The following GRAMD4 variants were observed in gnomAD, a reference collection of about 807,000 sequenced individuals.
GRAMD4 encodes GRAM domain containing 4.
GRAMD4 carries 25 observed loss-of-function variants against 83.9 expected under a neutral mutation model. The observed-to-expected ratio is 0.30, with a 90% confidence interval of 0.22 to 0.42. GRAMD4 has a LOEUF of 0.42. Ranked by LOEUF, GRAMD4 falls within the 10% of genes least tolerant of loss-of-function variation. GRAMD4 has a pLI of 1.00. For synonymous variants in GRAMD4, 336 were observed against 320.9 expected (o/e 1.05, Z -0.50); for missense variants, 593 against 788.7 (o/e 0.75, Z 2.97).
chr22:46,602,762 C>CTTTTTTTTTTTTTT lies in GRAMD4; in HGVS notation c.-49-23986_-49-23973dup, dbSNP rs534249203. 8.2e-5 allele frequency among the ~76,000 whole-genome samples: 10 copies of CTTTTTTTTTTTTTT among 121,436 alleles called. 1 individual carries two copies. The highest frequency in any genetic ancestry group is 9.4e-5 in the Admixed American group (1 of 10,642). 79.7% of individuals were successfully genotyped at this position (121,436 alleles called of 152,430 possible). A position where few individuals can be genotyped will look rare whatever the true frequency, so the allele number is the denominator to read the frequency against. ...TCCTTTATCTTTTGTCCATTTTTCT[C>CTTTTTTTTTTTTTT]TTTTTTTTTTTTTTTTGAGGCAGAG... On this transcript the variant is annotated intron_variant, in intron 1 of 1. Transcript: ENST00000431155.
chr22:46,603,513 CTCTTTTTT>C (rs2081334608), intron 1 of GRAMD4, among the ~76,000 whole-genome samples: 7 of 106,012 alleles, frequency 6.6e-5, no homozygotes, highest in South Asian at 3.1e-4. Context: ...CCGGCCTCTT[CTCTTTTTT>C]TTTTTTTTTT....
chr22:46,640,835 C>T (rs1260524949), intron 3 of GRAMD4, among the ~76,000 whole-genome samples: 5 of 151,508 alleles, frequency 3.3e-5, no homozygotes, highest in African/African-American at 4.9e-5. Context: ...CCCCGCCCCC[C>T]GCCGAGGTTT....
At chr22:46,648,847 C>CATGGATGGATGG (rs2082118901) in intron 3 of GRAMD4, among the ~76,000 whole-genome samples, 1 of 17,060 alleles carries the variant, frequency 5.9e-5, no homozygotes, top group African/African-American at 2.0e-4. Context: ...TGGATGGATG[C>CATGGATGGATGG]ATGGATGGAT....
At chr22:46,587,851 G>A (rs80109778) in intron 1 of GRAMD4, 12,429 of 946,778 alleles carry the variant, frequency 0.013, 111 homozygotes, top group Middle Eastern at 0.017. Context: ...AAACAGGCGT[G>A]TGCGCCAGAA....
chr22:46,674,220 A>G (rs2082559679), intron 15 of GRAMD4, among the ~76,000 whole-genome samples: 1 of 152,170 alleles, frequency 6.6e-6, no homozygotes, highest in Non-Finnish European at 1.5e-5. Flanking sequence ...AGCTTTCCCA[A>G]AGGGAGGGCC....
intron 1 of GRAMD4, among the ~76,000 whole-genome samples, chr22:46,599,411 C>T (rs536252614): frequency 9.2e-5 from 14 of 152,166 alleles, no homozygotes; most frequent in East Asian, 3.9e-4. Context: ...CTCTACCTCC[C>T]GGGTTCAAGT....
intron 1 of GRAMD4, among the ~76,000 whole-genome samples, chr22:46,611,786 C>T (rs961664889): frequency 4.7e-5 from 7 of 150,296 alleles, no homozygotes; most frequent in African/African-American, 1.7e-4. Context: ...GTCAGGAGAT[C>T]GAGACCATCC....
At chr22:46,586,364 C>T (rs540353832) in intron 1 of GRAMD4, among the ~76,000 whole-genome samples, 6 of 152,230 alleles carry the variant, frequency 3.9e-5, no homozygotes, top group East Asian at 1.9e-4. Flanking sequence ...TGGCTCAGTC[C>T]GGTGCGATGG....
chr22:46,613,737 C>G (rs2081440839), intron 1 of GRAMD4, among the ~76,000 whole-genome samples: 1 of 152,192 alleles, frequency 6.6e-6, no homozygotes, highest in Non-Finnish European at 1.5e-5. Flanking sequence ...GGGCCCACCC[C>G]ACCCCGAGGC....
At chr22:46,632,006 T>C (rs2081781206) in intron 2 of GRAMD4, among the ~76,000 whole-genome samples, 1 of 152,182 alleles carries the variant, frequency 6.6e-6, no homozygotes, top group African/African-American at 2.4e-5. Flanking sequence ...GGGTAGACCC[T>C]TACGGCGTGT....
chr22:46,628,745 A>T (rs2081716852), intron 2 of GRAMD4, among the ~76,000 whole-genome samples: 1 of 152,004 alleles, frequency 6.6e-6, no homozygotes, highest in African/African-American at 2.4e-5. Flanking sequence ...GGGAGTCTTC[A>T]CCTGGGGCAG....
downstream of GRAMD4, among the ~76,000 whole-genome samples, chr22:46,680,655 T>TCC (rs2082661155): frequency 4.0e-4 from 3 of 7,574 alleles, no homozygotes; most frequent in Non-Finnish European, 7.8e-4. Context: ...TCCATCCACC[T>TCC]ACCCACTCAT....
rs568979581 is a variant in GRAMD4, at chr22:46,589,936, A to C, written c.-50+12646A>C. Among the ~76,000 whole-genome samples the C allele has an allele frequency of 2.0e-5, 3 of 152,186 alleles. No homozygotes were observed. In the East Asian group the frequency reaches 5.8e-4, roughly 29 times the overall value. ...CAGCTTTCTCCCTACCCCTTCAGCC[A>C]GCTCCCCTCGTGGCCCTCCCTGCTG... On this transcript the variant is annotated intron_variant, in intron 1 of 1. Transcript: ENST00000431155.
chr22:46,630,484 A>T (rs1489095889), intron 2 of GRAMD4, among the ~76,000 whole-genome samples: 1 of 152,134 alleles, frequency 6.6e-6, no homozygotes, highest in African/African-American at 2.4e-5. Flanking sequence ...CTTTTCCAGG[A>T]TCTACCGCAT....
At position 46,604,613 on chromosome 22, in the gene GRAMD4, C is replaced by T. The variant is rs58085896; in HGVS notation, c.-49-22138C>T. 7.9e-3 allele frequency among the ~76,000 whole-genome samples: 1,207 copies of T among 152,352 alleles called. 18 individuals are homozygous for T. Among genetic ancestry groups the T allele is most frequent in the African/African-American group, 0.028 (1,166 of 41,580 alleles). On this transcript the variant is annotated intron_variant, in intron 1 of 1. Coordinates refer to the GRAMD4 transcript ENST00000431155. ...CTTCCTGTCTCTGTGCATTTGACTCCTCTGGGGACTGCAGATAAGTGGAAT... is the reference window on the plus strand; with the variant it reads ...CTTCCTGTCTCTGTGCATTTGACTCTTCTGGGGACTGCAGATAAGTGGAAT...
intron 13 of GRAMD4, among the ~76,000 whole-genome samples, chr22:46,670,670 A>T (rs1486280195): frequency 6.6e-6 from 1 of 151,708 alleles, no homozygotes; most frequent in Non-Finnish European, 1.5e-5. Context: ...CAGTGGCACG[A>T]TCTCGGCTCA....
intron 1 of GRAMD4, among the ~76,000 whole-genome samples, chr22:46,591,599 C>T (rs2081208583): frequency 6.6e-6 from 1 of 152,050 alleles, no homozygotes; most frequent in Admixed American, 6.5e-5. Flanking sequence ...CTTTGGGAGG[C>T]TGAGGCAGGT....
chr22:46,580,599 G>T (rs1375208954), intron 1 of GRAMD4, among the ~76,000 whole-genome samples: 2 of 152,208 alleles, frequency 1.3e-5, no homozygotes, highest in African/African-American at 4.8e-5. Flanking sequence ...GGCTGCTGGG[G>T]ATATGTAATA....
chr22:46,677,039 A>C, intron 18 of GRAMD4, 108 bp from the exon 19 acceptor site: 1 of 1,314,568 alleles, frequency 7.6e-7, no homozygotes, highest in Non-Finnish European at 1.1e-6. Context: ...ACCCAGACCC[A>C]CGTGACTAGC....
Sources: gnomAD v4.1 joint callset for allele counts (sites outside exome capture counted in the v4.1 genomes callset) on GRCh38, gnomAD v4.1.1 for gene constraint, MANE v1.5 for transcripts, NCBI Gene and HGNC (gene_info 2026-07-23, HGNC 2026-07-21) for gene names.